GRID2: variants seen among roughly 807,000 people sequenced by gnomAD.
GRID2 encodes the protein glutamate receptor ionotropic, delta-2.
Under a neutral mutation model 114.8 loss-of-function variants are expected in GRID2, and 33 were observed. The ratio of observed to expected loss-of-function variants is 0.29; its 90% confidence interval spans 0.22 to 0.38. The LOEUF (loss-of-function observed/expected upper bound fraction) is 0.38, where lower values mean the gene tolerates loss of function less well. Among genes scored for constraint, GRID2 ranks in the 10% least tolerant of loss-of-function variants. The probability of loss-of-function intolerance (pLI) is 1.00; values close to 1 mark genes in which losing one functional copy is unlikely to be tolerated. For synonymous variants in GRID2, 505 were observed against 449.9 expected, an observed-to-expected ratio of 1.12 and a Z score of -1.55; for missense variants, 1,184 against 1,257.7, an observed-to-expected ratio of 0.94 and a Z score of 0.89.
At chr4:93,510,027 A>AG in intron 12 of GRID2, among the ~76,000 whole-genome samples, 1 of 151,070 alleles carries the variant, frequency 6.6e-6, no homozygotes, top group Non-Finnish European at 1.5e-5. Flanking sequence ...AGAAGAGAAT[A>AG]GGGGGGAACC....
intron 2 of GRID2, chr4:92,885,065 C>A: frequency 3.2e-6 from 1 of 310,250 alleles, no homozygotes; most frequent in South Asian, 3.2e-5. Context: ...TTAAACAATT[C>A]AACCATCAAA....
At chr4:92,684,002 CAAAT>C (rs923349301) in intron 2 of GRID2, among the ~76,000 whole-genome samples, 7 of 151,600 alleles carry the variant, frequency 4.6e-5, no homozygotes, top group African/African-American at 1.7e-4. Context: ...AATATTACCT[CAAAT>C]AAATAGATTT....
intron 3 of GRID2, among the ~76,000 whole-genome samples, chr4:93,110,126 G>T (rs1221425644): frequency 1.3e-5 from 2 of 152,042 alleles, no homozygotes; most frequent in Non-Finnish European, 2.9e-5. Flanking sequence ...TCCTTACTAA[G>T]GCAAACTTGG....
intron 12 of GRID2, among the ~76,000 whole-genome samples, chr4:93,506,955 C>T (rs545177143): frequency 5.3e-5 from 8 of 152,296 alleles, no homozygotes; most frequent in South Asian, 4.1e-4. Flanking sequence ...TGGGTTCCTC[C>T]TGAATTACCC....
At chr4:93,557,676 C>T (rs530923134) in intron 13 of GRID2, among the ~76,000 whole-genome samples, 164 of 152,260 alleles carry the variant, frequency 1.1e-3, no homozygotes, top group African/African-American at 3.9e-3. Flanking sequence ...TTAGACACAT[C>T]AACAGGACAG....
chr4:92,908,685 A>G (rs1748146613), intron 2 of GRID2, among the ~76,000 whole-genome samples: 2 of 152,298 alleles, frequency 1.3e-5, no homozygotes, highest in South Asian at 2.1e-4. Flanking sequence ...ACAGCATGTT[A>G]TAGATGAATT....
intron 3 of GRID2, among the ~76,000 whole-genome samples, chr4:93,096,486 A>G (rs963273563): frequency 6.6e-6 from 1 of 152,076 alleles, no homozygotes; most frequent in African/African-American, 2.4e-5. Flanking sequence ...AAGAATACAC[A>G]TATTTAAAAA....
At chr4:92,585,554 A>C (rs1728390257) in intron 1 of GRID2, among the ~76,000 whole-genome samples, 1 of 151,954 alleles carries the variant, frequency 6.6e-6, no homozygotes, top group Non-Finnish European at 1.5e-5. Context: ...GCTTGGTTTC[A>C]ATATTTAGAG....
chr4:92,347,569 C>T (rs917918094), intron 1 of GRID2, among the ~76,000 whole-genome samples: 8 of 152,002 alleles, frequency 5.3e-5, no homozygotes, highest in Non-Finnish European at 1.2e-4. Context: ...TGAATATGGA[C>T]CTTTATTTTG....
intron 1 of GRID2, among the ~76,000 whole-genome samples, chr4:92,385,896 GTGTGTA>G (rs749368566): frequency 0.031 from 3,696 of 120,818 alleles, 55 homozygotes; most frequent in East Asian, 0.048. Flanking sequence ...GTGTGTGTGT[GTGTGTA>G]TATATATATA....
At chr4:93,241,628 T>C (rs1358683193) in intron 8 of GRID2, among the ~76,000 whole-genome samples, 2 of 151,860 alleles carry the variant, frequency 1.3e-5, no homozygotes, top group Non-Finnish European at 2.9e-5. Context: ...AGCTGTCCTT[T>C]CTGTTGGATT....
intron 11 of GRID2, among the ~76,000 whole-genome samples, chr4:93,461,516 A>C: frequency 6.6e-6 from 1 of 152,130 alleles, no homozygotes; most frequent in Non-Finnish European, 1.5e-5. Flanking sequence ...GAGGCATTTC[A>C]TGTGTTATCA....
chr4:93,469,600 C>T (rs1354901952), intron 11 of GRID2, among the ~76,000 whole-genome samples: 1 of 151,976 alleles, frequency 6.6e-6, no homozygotes, highest in African/African-American at 2.4e-5. Flanking sequence ...TTACCAAGGC[C>T]AACTCTTTCC....
chr4:93,441,378 G>C (rs1237581153), intron 10 of GRID2, among the ~76,000 whole-genome samples: 1 of 151,970 alleles, frequency 6.6e-6, no homozygotes, highest in South Asian at 2.1e-4. Flanking sequence ...GTCTACGTTA[G>C]TCTGGAAATT....
intron 1 of GRID2, among the ~76,000 whole-genome samples, chr4:92,578,047 C>CTTCTTT (rs1727982191): frequency 5.4e-5 from 1 of 18,484 alleles, no homozygotes; most frequent in Non-Finnish European, 1.1e-4. Context: ...TTAGTTTCTT[C>CTTCTTT]TTCTTCTTCT....
At chr4:92,725,812 CTAA>C (rs1736040472) in intron 2 of GRID2, among the ~76,000 whole-genome samples, 1 of 152,012 alleles carries the variant, frequency 6.6e-6, no homozygotes, top group Non-Finnish European at 1.5e-5. Context: ...CACAGATTTC[CTAA>C]TGAGAAAGCA....
At chr4:92,989,956 T>C (rs1444980538) in intron 2 of GRID2, among the ~76,000 whole-genome samples, 2 of 152,030 alleles carry the variant, frequency 1.3e-5, no homozygotes, top group African/African-American at 2.4e-5. Flanking sequence ...GCATCAGGAA[T>C]TGAAAGAAAA....
At chr4:93,652,784 TAAAAAAAAAAAAAAAA>T (rs200098114) in intron 14 of GRID2, among the ~76,000 whole-genome samples, 1 of 86,416 alleles carries the variant, frequency 1.2e-5, no homozygotes, top group Non-Finnish European at 2.3e-5. Context: ...CAGTAAATGC[TAAAAAAAAAAAAAAAA>T]AAAAAAAAAA....
intron 1 of GRID2, among the ~76,000 whole-genome samples, chr4:92,360,515 TA>T (rs1294802525): frequency 1.3e-5 from 2 of 151,946 alleles, no homozygotes; most frequent in Non-Finnish European, 2.9e-5. Flanking sequence ...GTTCTTTTCC[TA>T]AAAAAATTCA....
Sources: allele counts gnomAD v4.1 joint callset (sites outside exome capture counted in the v4.1 genomes callset), GRCh38; gene constraint gnomAD v4.1.1; transcripts MANE v1.5; gene names NCBI Gene and HGNC (gene_info 2026-07-23, HGNC 2026-07-21).